The following DNM3 variants were observed in gnomAD, a reference collection of about 807,000 sequenced individuals.
The protein encoded by DNM3 is dynamin-3.
Under a neutral mutation model 101.6 loss-of-function variants are expected in DNM3, and 47 were observed. The ratio of observed to expected loss-of-function variants is 0.46; its 90% CI spans 0.37 to 0.59. The LOEUF is 0.59. Ranked by LOEUF, DNM3 falls within the 20% of genes least tolerant of loss-of-function variation. DNM3 has a pLI of 0.00. For synonymous variants in DNM3, 385 were observed against 387.9 expected, an observed-to-expected ratio of 0.99 and a Z score of 0.09; for missense variants, 849 against 1,085.7, an observed-to-expected ratio of 0.78 and a Z score of 3.06.
At chr1:172,154,542 C>G (rs929883043) in intron 14 of DNM3, among the ~76,000 whole-genome samples, 1 of 152,074 alleles carries the variant, frequency 6.6e-6, no homozygotes, top group African/African-American at 2.4e-5. Context: ...GTTTCCATTT[C>G]TGTACTGCAT....
At chr1:171,855,739 T>A (rs2033534497) in intron 1 of DNM3, among the ~76,000 whole-genome samples, 1 of 152,162 alleles carries the variant, frequency 6.6e-6, no homozygotes, top group East Asian at 1.9e-4. Flanking sequence ...TTCTTGTAAA[T>A]TTGTTTAAGT....
intron 13 of DNM3, among the ~76,000 whole-genome samples, chr1:172,108,197 C>G (rs1284297242): frequency 1.3e-5 from 2 of 152,070 alleles, no homozygotes; most frequent in East Asian, 1.9e-4. Flanking sequence ...TATATGTCTT[C>G]TAATCTTAGG....
rs898443479 is a variant in DNM3, at chr1:172,227,008, T to C, written c.1660-26565T>C. On this transcript the variant is annotated intron_variant, in intron 14 of 20. Coordinates refer to ENST00000627582, the MANE Select transcript of DNM3 (RefSeq NM_015569.5). ...GGGATTTTAATGCACCCATCTCCCATGTAGTATACACTGTACCAGTACGTA... is the reference window on the plus strand; with the variant it reads ...GGGATTTTAATGCACCCATCTCCCACGTAGTATACACTGTACCAGTACGTA... Among the ~76,000 whole-genome samples the C allele has an allele frequency of 2.6e-5, 4 of 151,814 alleles. No individual in the cohort carries two copies. The East Asian group carries it at 5.8e-4, about 22-fold the overall frequency.
chr1:172,346,583 A>C (rs1041455851), intron 17 of DNM3, among the ~76,000 whole-genome samples: 1 of 152,210 alleles, frequency 6.6e-6, no homozygotes, highest in Non-Finnish European at 1.5e-5. Flanking sequence ...ATAAATGTTG[A>C]AATTGGGATA....
chr1:172,390,833 T>C (rs2069483879), intron 20 of DNM3, among the ~76,000 whole-genome samples: 1 of 152,216 alleles, frequency 6.6e-6, no homozygotes, highest in African/African-American at 2.4e-5. Context: ...GAGCTACTTT[T>C]GTCTGTCTAG....
At position 172,001,040 on chromosome 1, in the gene DNM3, T is replaced by C. The variant is rs559819355; in HGVS notation, c.589+11892T>C. ...AGGCAGGAAAAATGAGTGAGAAATG[T>C]CCTTGATTTAGGAGAATGAGGATGG... On this transcript the variant is annotated intron_variant, in intron 4 of 20. Transcript: ENST00000627582. Among the ~76,000 whole-genome samples, 16 of 152,090 alleles carry C rather than the reference T, an allele frequency of 1.1e-4. No homozygotes were observed. In the East Asian group the frequency reaches 3.1e-3, roughly 29 times the overall value.
Position 172,175,968 on chromosome 1 carries a change from T to G in DNM3, c.1659+44680T>G, listed in dbSNP as rs190454834. Among the ~76,000 whole-genome samples, 275 of 151,888 alleles carry G rather than the reference T, an allele frequency of 1.8e-3. 4 individuals are homozygous for G. Among genetic ancestry groups the G allele is most frequent in the South Asian group, 0.018 (87 of 4,820 alleles). Reference sequence around the variant, plus strand: ...CCCTCTCATGTTGTTTCAGGATTGGTCTGTGTAACTGTGGTAGGCTAAGTA... The same window carrying G: ...CCCTCTCATGTTGTTTCAGGATTGGGCTGTGTAACTGTGGTAGGCTAAGTA... On this transcript the variant is annotated intron_variant, in intron 14 of 20. Coordinates refer to ENST00000627582, the MANE Select transcript of DNM3 (RefSeq NM_015569.5).
intron 20 of DNM3, among the ~76,000 whole-genome samples, chr1:172,417,964 T>G (rs1044670947): frequency 2.0e-5 from 3 of 152,174 alleles, no homozygotes; most frequent in Non-Finnish European, 4.4e-5. Flanking sequence ...TAGTCCCAGT[T>G]CTCCTGAATA....
At chr1:171,930,202 C>T (rs1571673577) in intron 2 of DNM3, among the ~76,000 whole-genome samples, 2 of 152,108 alleles carry the variant, frequency 1.3e-5, no homozygotes, top group Admixed American at 6.5e-5. Context: ...GCTGGAATGG[C>T]GAAGTCACCC....
At chr1:172,082,043 G>A in intron 12 of DNM3, 141 bp downstream of exon 12, 1 of 845,364 alleles carries the variant, frequency 1.2e-6, no homozygotes. Context: ...TACTTAGGAA[G>A]TCTGAGCTCC....
rs2058080706 is a variant in DNM3, at chr1:172,150,334, A to G, written c.1659+19046A>G. ...ATTTACAGGTTGCAAATGAGTATTA[A>G]TCACATATCTTTATAAACACTTATT... On this transcript the variant is annotated intron_variant, in intron 14 of 20. Transcript: ENST00000627582. 2.0e-5 allele frequency among the ~76,000 whole-genome samples: 3 copies of G among 152,300 alleles called. No homozygotes were observed. In the South Asian group the frequency reaches 6.2e-4, roughly 32 times the overall value.
At chr1:172,175,279 T>G (rs2148362986) in intron 14 of DNM3, among the ~76,000 whole-genome samples, 1 of 151,974 alleles carries the variant, frequency 6.6e-6, no homozygotes, top group East Asian at 1.9e-4. Flanking sequence ...AATAATCTTC[T>G]TTTACTAATT....
At chr1:171,936,209 G>C (rs749157808) in intron 2 of DNM3, among the ~76,000 whole-genome samples, 7 of 151,934 alleles carry the variant, frequency 4.6e-5, no homozygotes, top group African/African-American at 9.7e-5. Context: ...ACACGAAACA[G>C]CCGGGCATAG....
At chr1:172,203,490 C>T (rs2060222616) in intron 14 of DNM3, among the ~76,000 whole-genome samples, 1 of 152,116 alleles carries the variant, frequency 6.6e-6, no homozygotes, top group Admixed American at 6.6e-5. Flanking sequence ...ATATCTGATC[C>T]CAGACATTTT....
intron 15 of DNM3, among the ~76,000 whole-genome samples, chr1:172,296,515 C>G (rs2064169395): frequency 6.6e-6 from 1 of 152,178 alleles, no homozygotes; most frequent in Non-Finnish European, 1.5e-5. Context: ...CAGTGTTTCA[C>G]AAACTCCTAC....
chr1:172,129,996 T>C (rs2421985), intron 13 of DNM3, among the ~76,000 whole-genome samples: 86,236 of 151,874 alleles, frequency 0.57, 25,488 homozygotes, highest in African/African-American at 0.73. Context: ...GAATCAAGGG[T>C]GACAGGGGCT....
rs868339163 is a variant in DNM3, at chr1:171,857,238, A to T, written c.161+15421A>T. Among the ~76,000 whole-genome samples, 6 of 152,318 alleles carry T rather than the reference A, an allele frequency of 3.9e-5. No homozygotes were observed. The South Asian group carries it at 8.3e-4, about 21-fold the overall frequency. On this transcript the variant is annotated intron_variant, in intron 1 of 20. Coordinates refer to ENST00000627582, the MANE Select transcript of DNM3 (RefSeq NM_015569.5). ...CACATATTAACTGGAGGATACATAGATGGAGGGAGACATCTGAGGTACCAG... is the reference window on the plus strand; with the variant it reads ...CACATATTAACTGGAGGATACATAGTTGGAGGGAGACATCTGAGGTACCAG...
intron 9 of DNM3, among the ~76,000 whole-genome samples, 199 bp downstream of exon 9, chr1:172,044,651 C>G (rs939565390): frequency 1.3e-5 from 2 of 152,024 alleles, no homozygotes; most frequent in Non-Finnish European, 2.9e-5. Flanking sequence ...AGTGAAAAAG[C>G]AAAAACATTT....
chr1:172,305,160 A>G (rs1200757027), intron 15 of DNM3, among the ~76,000 whole-genome samples: 2 of 152,206 alleles, frequency 1.3e-5, no homozygotes, highest in Non-Finnish European at 2.9e-5. Context: ...AAGAAAAGAG[A>G]GAAGAATCAA....
Sources: allele counts gnomAD v4.1 joint callset (sites outside exome capture counted in the v4.1 genomes callset), GRCh38; gene constraint gnomAD v4.1.1; transcripts MANE v1.5; gene names NCBI Gene and HGNC (gene_info 2026-07-23, HGNC 2026-07-21).